Variants in SGSM2 observed in about 807,000 individuals in gnomAD.
SGSM2 encodes RUN and TBC1 domain containing 1.
A neutral mutation model predicts 126.6 loss-of-function variants in SGSM2; 89 were observed. The observed-to-expected ratio is 0.70, with a 90% CI of 0.59 to 0.84. The LOEUF (loss-of-function observed/expected upper bound fraction) is 0.84. SGSM2 is among the 40% of genes least tolerant of loss of function. The probability of loss-of-function intolerance (pLI) is 0.00; values close to 1 mark genes in which losing one functional copy is unlikely to be tolerated. For missense variants in SGSM2, 1,404 were observed against 1,416.6 expected (o/e 0.99, Z 0.14); for synonymous variants, 614 against 574.3 (o/e 1.07, Z -0.99).
rs748855766 is a variant in SGSM2, at chr17:2,379,309, C to T, written c.3067+106C>T. 1.4e-5 allele frequency: 22 copies of T among 1,563,568 alleles called. No homozygotes were observed. The South Asian group carries it at 2.3e-4, about 16-fold the overall frequency. ...GTTCTCAGGAATCCTGGGGGCCCTTCCCCAAAGGCCGGGATGTCAAGAATC... is the reference window on the plus strand; with the variant it reads ...GTTCTCAGGAATCCTGGGGGCCCTTTCCCAAAGGCCGGGATGTCAAGAATC... On this transcript the variant is annotated intron_variant, in intron 23 of 23. Coordinates refer to ENST00000268989, the MANE Select transcript of SGSM2 (RefSeq NM_014853.3).
At position 2,337,722 on chromosome 17, in the gene SGSM2, C is replaced by T; in HGVS notation, c.34C>T (p.Leu12=). The stretch of plus-strand genomic sequence containing the variant: ...CGCAGAGGACGCAGTCAAAGAGAAA[C>T]TGCTGTGGAACGTGAAGAAGGAGGT... The part of the protein sequence containing the change: ...GSAEDAVKEK[L]LWNVKKEVKQ... Residue 12 remains leucine, a synonymous_variant, in exon 1 of 24, where the codon CTG becomes TTG. Coordinates refer to ENST00000268989, the MANE Select transcript of SGSM2 (RefSeq NM_014853.3). The surrounding 1 kb of genome is among the most constrained non-coding windows in gnomAD (Gnocchi z 5.1). 6.5e-7 allele frequency: 1 copy of T among 1,545,598 alleles called. No homozygotes were observed. Among genetic ancestry groups the T allele is most frequent in the Non-Finnish European group, 8.7e-7 (1 of 1,143,790 alleles).
chr17:2,379,125 C>T lies in SGSM2; in HGVS notation c.2989C>T (p.Leu997Phe). The stretch of plus-strand genomic sequence containing the variant: ...GGAGCACTTTGTCCTGTTCATCGCC[C>T]TCGCCCTGGTGGAGGCCTACCGAGA... ...SSEHFVLFIA[L>F]ALVEAYREII... The change falls in exon 23 of 24, where the codon CTC becomes TTC. Residue 997 changes from leucine (L) to phenylalanine (F), a missense_variant. By Grantham distance (22) the Leu-to-Phe change is conservative. Transcript: ENST00000268989. 6.2e-7 allele frequency: 1 copy of T among 1,614,204 alleles called. No homozygotes were observed. The highest frequency in any genetic ancestry group is 8.5e-7 in the Non-Finnish European group (1 of 1,180,028).
At chr17:2,365,663 G>C (rs1357618801) in intron 11 of SGSM2, among the ~76,000 whole-genome samples, 1 of 151,824 alleles carries the variant, frequency 6.6e-6, no homozygotes, top group Non-Finnish European at 1.5e-5. Context: ...ACGAGAAGTA[G>C]AAGGTGGGGA....
Position 2,376,772 on chromosome 17 carries a change from C to G in SGSM2, c.2649C>G (p.Gly883=). Residue 883 remains glycine, a synonymous_variant, in exon 20 of 24, where the codon GGC becomes GGG. Coordinates refer to ENST00000268989, the MANE Select transcript of SGSM2 (RefSeq NM_014853.3). ...ACCTGGACGTGGGCTATGTGCAGGGCATGTGCGATCTGCTGGCGCCTCTCC... is the reference window on the plus strand; with the variant it reads ...ACCTGGACGTGGGCTATGTGCAGGGGATGTGCGATCTGCTGGCGCCTCTCC... The part of the protein sequence containing the change: ...WEHLDVGYVQ[G]MCDLLAPLLV... 6.2e-7 allele frequency: 1 copy of G among 1,614,100 alleles called. No individual in the cohort carries two copies. Among genetic ancestry groups the G allele is most frequent in the East Asian group, 2.2e-5 (1 of 44,880 alleles).
chr17:2,350,564 C>T (rs565832433), intron 2 of SGSM2, among the ~76,000 whole-genome samples: 3 of 151,766 alleles, frequency 2.0e-5, no homozygotes, highest in South Asian at 2.1e-4. Context: ...GAGCCGAGAC[C>T]GTACCACTGC....
chr17:2,373,435 C>T lies in SGSM2; in HGVS notation c.2022C>T (p.Arg674=), dbSNP rs1391389874. ...AGCGGGAGGCCCACCCAGCCACACG[C>T]ACCAAGTTCTCCTCAGGCAGCAGCA... The part of the protein sequence containing the change: ...QREREAHPAT[R]TKFSSGSSID... Residue 674 remains arginine (R), a synonymous_variant, in exon 17 of 24, where the codon CGC becomes CGT. Coordinates refer to ENST00000268989, the MANE Select transcript of SGSM2 (RefSeq NM_014853.3). The T allele has an allele frequency of 7.4e-6, 12 of 1,611,244 alleles. No individual in the cohort carries two copies. In the East Asian group the frequency reaches 1.3e-4, roughly 18 times the overall value.
intron 17 of SGSM2, chr17:2,374,539 T>C (rs2066034770): frequency 1.3e-5 from 2 of 152,112 alleles, no homozygotes; most frequent in Non-Finnish European, 1.5e-5. Flanking sequence ...ATACCACCAC[T>C]GTACTCTAGC....
chr17:2,375,523 C>A lies in SGSM2; in HGVS notation c.2132C>A (p.Pro711Gln), dbSNP rs1456095996. 4 of 1,612,054 alleles carry A rather than the reference C, an allele frequency of 2.5e-6. No homozygotes were observed. The highest frequency in any genetic ancestry group is 3.4e-6 in the Non-Finnish European group (4 of 1,179,016). Residue 711 changes from proline (P) to glutamine (Q), a missense_variant, in exon 18 of 24, where the codon CCG becomes CAG. Transcript: ENST00000268989. ...VFISVDDLEP[P>Q]EPQDPEDSRP... ...ATCTCAGTGGATGATCTGGAACCCC[C>A]GGAGCCCCAGGACCCTGAAGATTCC...
rs528509262 is a variant in SGSM2, at chr17:2,362,809, C to T, written c.459-29C>T. The T allele has an allele frequency of 8.7e-6, 14 of 1,612,426 alleles. No homozygotes were observed. Among genetic ancestry groups the T allele is most frequent in the East Asian group, 4.5e-5 (2 of 44,888 alleles). On this transcript the variant is annotated intron_variant, in intron 4 of 23. Transcript: ENST00000268989. The surrounding 1 kb of genome is among the most constrained non-coding windows in gnomAD (Gnocchi z 4.9). ...TGCCCTGGAATGAGCCCCGGAGCCTCGGCAGTCACACTGTCTGTCTCCTGG... is the reference window on the plus strand; with the variant it reads ...TGCCCTGGAATGAGCCCCGGAGCCTTGGCAGTCACACTGTCTGTCTCCTGG...
chr17:2,376,241 G>T lies in SGSM2; in HGVS notation c.2589G>T (p.Arg863Ser). Residue 863 changes from arginine to serine, a missense_variant, in exon 19 of 24, where the codon AGG (arginine) becomes AGT (serine). Coordinates refer to ENST00000268989, the MANE Select transcript of SGSM2 (RefSeq NM_014853.3). Reference sequence around the variant, plus strand: ...ACTTCACGCCCCCCAACCTCGAGAGGCTCAGAGACGTCATGTGCAGGTGCC... The same window carrying T: ...ACTTCACGCCCCCCAACCTCGAGAGTCTCAGAGACGTCATGTGCAGGTGCC... Reference protein sequence around the residue: ...YWYFTPPNLERLRDVMCSYVW... With the variant: ...YWYFTPPNLESLRDVMCSYVW... The T allele has an allele frequency of 1.9e-6, 3 of 1,613,828 alleles. No individual in the cohort carries two copies. The highest frequency in any genetic ancestry group is 2.5e-6 in the Non-Finnish European group (3 of 1,180,012).
intron 12 of SGSM2, among the ~76,000 whole-genome samples, chr17:2,369,455 A>T (rs1343946906): frequency 6.6e-6 from 1 of 152,024 alleles, no homozygotes; most frequent in African/African-American, 2.4e-5. Context: ...CTCAGAGGAG[A>T]GAGTCAGAGT....
chr17:2,363,548 G>T lies in SGSM2; in HGVS notation c.756G>T (p.Gln252His), dbSNP rs761307225. 1 of 1,613,496 alleles carries T rather than the reference G, an allele frequency of 6.2e-7. No individual in the cohort carries two copies. The highest frequency in any genetic ancestry group is 1.3e-5 in the African/African-American group (1 of 74,952). ...GCGAGTGTGTGGAGTCCCTGCACCA[G>T]AACTCACGGACGCGGCTGCTCTATG... ...CARECVESLHQNSRTRLLYGK... is the reference protein window; with the variant it reads ...CARECVESLHHNSRTRLLYGK... Residue 252 changes from glutamine (Q) to histidine (H), a missense_variant, in exon 7 of 24, where the codon CAG (glutamine) becomes CAT (histidine). Physicochemically the swap from Gln to His is conservative, Grantham distance 24 (BLOSUM62 0). Transcript: ENST00000268989. This position sits in a 1 kb window ranked among gnomAD's most constrained non-coding sequence, Gnocchi z 4.2.
Position 2,367,541 on chromosome 17 carries a change from G to A in SGSM2, c.1423+136G>A, listed in dbSNP as rs2065653510. 4 of 978,672 alleles carry A rather than the reference G, an allele frequency of 4.1e-6. No homozygotes were observed. The highest frequency in any genetic ancestry group is 2.6e-5 in the Admixed American group (1 of 38,512). 60.6% of individuals were successfully genotyped at this position (978,672 alleles called of 1,614,324 possible). A position where few individuals can be genotyped will look rare whatever the true frequency, so the allele number is the denominator to read the frequency against. On this transcript the variant is annotated intron_variant, in intron 12 of 23. Transcript: ENST00000268989. The surrounding 1 kb of genome is among the most constrained non-coding windows in gnomAD (Gnocchi z 4.0). The stretch of plus-strand genomic sequence containing the variant: ...ACCCAGGGCAGTTCCCTTCCATCGG[G>A]GGCAGATCAGGGAGGGCAGAAGGAG...
In SGSM2 at chr17:2,379,498, A is replaced by G; in HGVS notation, c.3134A>G (p.Gln1045Arg). 6.2e-7 allele frequency: 1 copy of G among 1,613,110 alleles called. No individual in the cohort carries two copies. Among genetic ancestry groups the G allele is most frequent in the Non-Finnish European group, 8.5e-7 (1 of 1,179,364 alleles). ...GCCCGGGACCTCGTCCACAAGGTGC[A>G]GATGCTCATAGAGAACAAGTGAGCT... ...RIARDLVHKV[Q>R]MLIENK is the part of the protein sequence containing the mutation. The change falls in exon 24 of 24, where the codon CAG becomes CGG. Residue 1045 changes from glutamine to arginine, a missense_variant. Gln to Arg is a conservative substitution (Grantham distance 43). Coordinates refer to ENST00000268989, the MANE Select transcript of SGSM2 (RefSeq NM_014853.3).
At position 2,362,828 on chromosome 17, in the gene SGSM2, C is replaced by T. The variant is rs1233494447; in HGVS notation, c.459-10C>T. On this transcript the variant is annotated splice_polypyrimidine_tract_variant and intron_variant, in intron 4 of 23. Coordinates refer to ENST00000268989, the MANE Select transcript of SGSM2 (RefSeq NM_014853.3). The surrounding 1 kb of genome is among the most constrained non-coding windows in gnomAD (Gnocchi z 4.9). ...GAGCCTCGGCAGTCACACTGTCTGT[C>T]TCCTGGCAGCAAGTACTACGAGAAG... is the stretch of plus-strand genomic sequence containing the variant. The T allele has an allele frequency of 6.2e-7, 1 of 1,613,900 alleles. No homozygotes were observed. Among genetic ancestry groups the T allele is most frequent in the Non-Finnish European group, 8.5e-7 (1 of 1,180,010 alleles).
At chr17:2,364,034 G>A (rs778616424) in intron 7 of SGSM2, 25 bp from the exon 8 acceptor site, 7 of 1,613,796 alleles carry the variant, frequency 4.3e-6, no homozygotes, top group Non-Finnish European at 5.9e-6. Flanking sequence ...CTTCATCGTC[G>A]GTCTTCCGGT....
chr17:2,354,793 T>C (rs2065021816), intron 2 of SGSM2, among the ~76,000 whole-genome samples: 1 of 152,236 alleles, frequency 6.6e-6, no homozygotes, highest in Admixed American at 6.5e-5. Flanking sequence ...GCGTCTCCTC[T>C]ACTCTAAATT....
At chr17:2,339,732 G>A (rs1016986445) in intron 1 of SGSM2, among the ~76,000 whole-genome samples, 10 of 149,576 alleles carry the variant, frequency 6.7e-5, no homozygotes, top group African/African-American at 1.7e-4. Context: ...AAAAAGTCCC[G>A]GAAATCTCTA....
At position 2,372,596 on chromosome 17, in the gene SGSM2, A is replaced by T. The variant is rs1400782475; in HGVS notation, c.1788+108A>T. The stretch of plus-strand genomic sequence containing the variant: ...GGGTGCGGTTGACAGGCCAGGGCCG[A>T]TGCCACGGAGTGACCAGGGTCCCGG... On this transcript the variant is annotated intron_variant, in intron 15 of 23. Transcript: ENST00000268989. The surrounding 1 kb of genome is among the most constrained non-coding windows in gnomAD (Gnocchi z 6.0). The T allele has an allele frequency of 9.0e-6, 13 of 1,441,448 alleles. No individual in the cohort carries two copies. The highest frequency in any genetic ancestry group is 1.2e-5 in the Non-Finnish European group (13 of 1,059,634). 89.3% of individuals were successfully genotyped at this position (1,441,448 alleles called of 1,614,324 possible). A position where few individuals can be genotyped will look rare whatever the true frequency, so the allele number is the denominator to read the frequency against.
Sources: allele counts gnomAD v4.1 joint callset (sites outside exome capture counted in the v4.1 genomes callset), GRCh38; gene constraint gnomAD v4.1.1; non-coding constraint Gnocchi (gnomAD v3.1); transcripts MANE v1.5; gene names NCBI Gene and HGNC (gene_info 2026-07-23, HGNC 2026-07-21).